HECW1: variants seen among roughly 807,000 people sequenced by gnomAD.
HECW1 encodes the protein HECT, C2 and WW domain containing E3 ubiquitin protein ligase 1, also known as E3 ubiquitin-protein ligase HECW1.
Under a neutral mutation model 182.3 loss-of-function variants are expected in HECW1, and 61 were observed. The ratio of observed to expected loss-of-function variants is 0.33; its 90% confidence interval spans 0.27 to 0.41. The LOEUF (loss-of-function observed/expected upper bound fraction) is 0.41. Among genes scored for constraint, HECW1 ranks in the 10% least tolerant of loss-of-function variants. HECW1 has a pLI of 1.00. For missense variants in HECW1, 1,739 were observed against 2,108.9 expected, an observed-to-expected ratio of 0.82 and a Z score of 3.44; for synonymous variants, 859 against 832.6, an observed-to-expected ratio of 1.03 and a Z score of -0.55.
intron 2 of HECW1, among the ~76,000 whole-genome samples, chr7:43,231,233 T>A (rs1317398999): frequency 6.6e-6 from 1 of 152,226 alleles, no homozygotes; most frequent in South Asian, 2.1e-4. Flanking sequence ...CCCTCTGCAC[T>A]TCTGTCCTTT....
intron 24 of HECW1, chr7:43,523,017 T>C: frequency 2.2e-6 from 1 of 447,004 alleles, no homozygotes; most frequent in Non-Finnish European, 4.5e-6. Context: ...TGTTTGTTTG[T>C]TTTGAGATGG....
intron 3 of HECW1, among the ~76,000 whole-genome samples, chr7:43,282,490 C>A (rs937909752): frequency 6.6e-6 from 1 of 152,204 alleles, no homozygotes; most frequent in Admixed American, 6.5e-5. Context: ...TCTCAAATCC[C>A]ACTACATGCC....
chr7:43,248,033 A>AG (rs1799609669), intron 3 of HECW1, among the ~76,000 whole-genome samples: 1 of 134,782 alleles, frequency 7.4e-6, no homozygotes, highest in African/African-American at 2.7e-5. Context: ...AGCAAGCAAG[A>AG]AGGGAGGGAG....
At chr7:43,541,048 G>A in intron 24 of HECW1, 115 bp from the exon 25 acceptor site, 1 of 798,172 alleles carries the variant, frequency 1.3e-6, no homozygotes, top group Non-Finnish European at 2.2e-6. Flanking sequence ...TCAATGAGAA[G>A]ATTCCTTAAG....
At chr7:43,341,307 TATAAATAAATAAATAA>T (rs61727601) in intron 5 of HECW1, among the ~76,000 whole-genome samples, 45,354 of 148,526 alleles carry the variant, frequency 0.31, 8,850 homozygotes, top group African/African-American at 0.54. Context: ...CTTACAGTAT[TATAAATAAATAAATAA>T]ATAAATAAAT....
intron 2 of HECW1, among the ~76,000 whole-genome samples, chr7:43,145,983 A>T (rs371101030): frequency 8.5e-5 from 13 of 152,252 alleles, no homozygotes; most frequent in African/African-American, 2.9e-4. Context: ...GTTAAATCAC[A>T]CCTGGATTTA....
chr7:43,486,822 A>G (rs1477386384), intron 17 of HECW1, among the ~76,000 whole-genome samples: 1 of 152,254 alleles, frequency 6.6e-6, no homozygotes, highest in Non-Finnish European at 1.5e-5. Context: ...ATCTGGAGAC[A>G]CAGGTACACA....
intron 4 of HECW1, among the ~76,000 whole-genome samples, chr7:43,318,722 C>T (rs1158710424): frequency 1.3e-5 from 2 of 152,230 alleles, no homozygotes; most frequent in African/African-American, 2.4e-5. Flanking sequence ...TTTTCTCAGT[C>T]CAGCCAGATG....
intron 14 of HECW1, among the ~76,000 whole-genome samples, chr7:43,464,173 ATTG>A (rs1385166574): frequency 2.6e-5 from 4 of 152,210 alleles, no homozygotes; most frequent in African/African-American, 9.7e-5. Context: ...TTTATAAGTT[ATTG>A]TTAAGTAAAT....
intron 17 of HECW1, among the ~76,000 whole-genome samples, chr7:43,482,123 C>A (rs931278663): frequency 2.0e-5 from 3 of 152,172 alleles, no homozygotes; most frequent in Non-Finnish European, 2.9e-5. Context: ...CTATGCCCAT[C>A]CTCTCTCTTC....
chr7:43,242,672 A>G (rs1798994630), intron 2 of HECW1, among the ~76,000 whole-genome samples: 1 of 152,202 alleles, frequency 6.6e-6, no homozygotes, highest in South Asian at 2.1e-4. Context: ...GGCCAGAGGC[A>G]GGGACATGGC....
intron 2 of HECW1, among the ~76,000 whole-genome samples, chr7:43,191,489 T>C (rs77191951): frequency 0.1 from 15,685 of 152,258 alleles, 887 homozygotes; most frequent in East Asian, 0.15. Flanking sequence ...GCTGTCACCA[T>C]GTGTGTGCTT....
chr7:43,278,367 T>C (rs1803439204), intron 3 of HECW1, among the ~76,000 whole-genome samples: 1 of 152,140 alleles, frequency 6.6e-6, no homozygotes, highest in Admixed American at 6.5e-5. Context: ...AGATCTGGAA[T>C]CTGATCGTCT....
At chr7:43,288,960 A>T (rs1207061968) in intron 3 of HECW1, among the ~76,000 whole-genome samples, 1 of 152,188 alleles carries the variant, frequency 6.6e-6, no homozygotes, top group Non-Finnish European at 1.5e-5. Context: ...ACGCAGTCAA[A>T]TACAAGCTCC....
chr7:43,504,223 T>TTCCC (rs2079485893), intron 21 of HECW1, among the ~76,000 whole-genome samples: 2 of 152,226 alleles, frequency 1.3e-5, no homozygotes, highest in East Asian at 3.8e-4. Context: ...TCCCAGTCTC[T>TTCCC]AGACTTTGTC....
intron 12 of HECW1, among the ~76,000 whole-genome samples, chr7:43,452,454 A>G (rs2077265585): frequency 6.6e-6 from 1 of 152,274 alleles, no homozygotes; most frequent in Admixed American, 6.5e-5. Flanking sequence ...TCCATATAAC[A>G]GTGAAAGACC....
chr7:43,115,169 A>G (rs1392914166), intron 2 of HECW1, among the ~76,000 whole-genome samples: 1 of 152,206 alleles, frequency 6.6e-6, no homozygotes, highest in Non-Finnish European at 1.5e-5. Flanking sequence ...AAATAATTAT[A>G]ACGTGAACCA....
chr7:43,323,656 C>T (rs1282614479), intron 5 of HECW1, among the ~76,000 whole-genome samples: 1 of 152,166 alleles, frequency 6.6e-6, no homozygotes, highest in Non-Finnish European at 1.5e-5. Context: ...ATAAAACCAT[C>T]TCTTTATAAT....
chr7:43,208,911 C>G (rs2152693723), intron 2 of HECW1, among the ~76,000 whole-genome samples: 1 of 152,348 alleles, frequency 6.6e-6, no homozygotes, highest in Non-Finnish European at 1.5e-5. Context: ...GGATCTGGCT[C>G]TGAAATACCT....
Sources: allele counts gnomAD v4.1 joint callset (sites outside exome capture counted in the v4.1 genomes callset), GRCh38; gene constraint gnomAD v4.1.1; transcripts MANE v1.5; gene names NCBI Gene and HGNC (gene_info 2026-07-23, HGNC 2026-07-21).